GALNT2: variants seen among roughly 807,000 people sequenced by gnomAD.
GALNT2 encodes polypeptide N-acetylgalactosaminyltransferase 2.
Under a neutral mutation model 81.4 loss-of-function variants are expected in GALNT2, and 31 were observed. The observed-to-expected ratio is 0.38, with a 90% CI of 0.29 to 0.51. GALNT2 has a LOEUF of 0.51. Ranked by LOEUF, GALNT2 falls within the 20% of genes least tolerant of loss-of-function variation. GALNT2 has a pLI of 0.87. For missense variants in GALNT2, 629 were observed against 765.7 expected (o/e 0.82, Z 2.11); for synonymous variants, 303 against 287.4 (o/e 1.05, Z -0.55).
chr1:230,266,644 C>T (rs1666044886), intron 14 of GALNT2, among the ~76,000 whole-genome samples: 1 of 152,208 alleles, frequency 6.6e-6, no homozygotes, highest in South Asian at 2.1e-4. Flanking sequence ...TTGCAATGGC[C>T]TGGACATCCT....
At chr1:230,170,297 C>T (rs1326562953) in intron 1 of GALNT2, among the ~76,000 whole-genome samples, 2 of 152,212 alleles carry the variant, frequency 1.3e-5, no homozygotes, top group African/African-American at 2.4e-5. Context: ...ACAAAACATG[C>T]TTCAGAAATA....
At chr1:230,138,962 A>G (rs1317265858) in intron 1 of GALNT2, among the ~76,000 whole-genome samples, 5 of 152,038 alleles carry the variant, frequency 3.3e-5, no homozygotes, top group African/African-American at 1.2e-4. Context: ...TTATCCTGTG[A>G]CTGAGAACGC....
At chr1:230,173,515 CT>C (rs1662863442) in intron 1 of GALNT2, among the ~76,000 whole-genome samples, 1 of 152,194 alleles carries the variant, frequency 6.6e-6, no homozygotes, top group African/African-American at 2.4e-5. Context: ...GGTCTGCATC[CT>C]GGGAAATCAA....
In GALNT2 at chr1:230,198,142, G is replaced by A. The variant is rs1012180458; in HGVS notation, c.221-4995G>A. On this transcript the variant is annotated intron_variant, in intron 2 of 15. Coordinates refer to ENST00000366672, the MANE Select transcript of GALNT2 (RefSeq NM_004481.5). ...GGATTCCTTTTCACGGTCAGCCTCCGGTACCTTCGACCCAGGACGAGACCC... is the reference window on the plus strand; with the variant it reads ...GGATTCCTTTTCACGGTCAGCCTCCAGTACCTTCGACCCAGGACGAGACCC... 3.3e-5 allele frequency among the ~76,000 whole-genome samples: 5 copies of A among 152,286 alleles called. No individual in the cohort carries two copies. In the East Asian group the frequency reaches 5.8e-4, roughly 18 times the overall value.
intron 1 of GALNT2, among the ~76,000 whole-genome samples, chr1:230,148,328 G>T (rs1220560179): frequency 2.0e-5 from 3 of 152,218 alleles, no homozygotes; most frequent in Non-Finnish European, 4.4e-5. Context: ...TAGGGAAAGG[G>T]GGCGTTTTCA....
intron 1 of GALNT2, among the ~76,000 whole-genome samples, chr1:230,095,830 G>T (rs1258315115): frequency 7.2e-5 from 11 of 152,340 alleles, no homozygotes; most frequent in Non-Finnish European, 1.3e-4. Flanking sequence ...CTCTGCTGGA[G>T]AAAGAAACCG....
intron 10 of GALNT2, among the ~76,000 whole-genome samples, chr1:230,251,140 T>A (rs914334933): frequency 6.6e-6 from 1 of 152,232 alleles, no homozygotes; most frequent in Admixed American, 6.5e-5. Context: ...TTGGTAGCCT[T>A]ATATTTACTG....
At chr1:230,218,866 C>T (rs375949766) in intron 3 of GALNT2, among the ~76,000 whole-genome samples, 7 of 152,222 alleles carry the variant, frequency 4.6e-5, no homozygotes, top group African/African-American at 1.2e-4. Flanking sequence ...CGCAGCAGGA[C>T]GTGAGCAGTG....
chr1:230,080,866 A>G (rs1186984213), intron 1 of GALNT2, among the ~76,000 whole-genome samples: 4 of 152,218 alleles, frequency 2.6e-5, no homozygotes, highest in African/African-American at 9.6e-5. Flanking sequence ...GTACATACAT[A>G]GTAAGTGCTT....
Position 230,185,297 on chromosome 1 carries a change from T to TGCGC in GALNT2, c.220+6987_220+6988insCGCG, listed in dbSNP as rs1237218269. Among the ~76,000 whole-genome samples, 278 of 108,668 alleles carry TGCGC rather than the reference T, an allele frequency of 2.6e-3. 2 individuals carry two copies. Among genetic ancestry groups the TGCGC allele is most frequent in the African/African-American group, 8.7e-3 (261 of 30,158 alleles). The allele number at this position is 108,668 out of a possible 152,430, so 71.3% of individuals were successfully genotyped here. A position where few individuals can be genotyped will look rare whatever the true frequency, so the allele number is the denominator to read the frequency against. ...GCGTGTGTGTGTGTGTGTGTGTGTG[T>TGCGC]GTGTGCGCGCGTGTGTGTGTGTGTT... On this transcript the variant is annotated intron_variant, in intron 2 of 15. Coordinates refer to ENST00000366672, the MANE Select transcript of GALNT2 (RefSeq NM_004481.5).
At chr1:230,141,754 A>T (rs79737445) in intron 1 of GALNT2, among the ~76,000 whole-genome samples, 5,095 of 143,830 alleles carry the variant, frequency 0.035, 309 homozygotes, top group African/African-American at 0.12. Flanking sequence ...GGGTATACAG[A>T]TATCTCTTCA....
chr1:230,174,479 A>G (rs1398059356), intron 1 of GALNT2, among the ~76,000 whole-genome samples: 2 of 149,114 alleles, frequency 1.3e-5, no homozygotes, highest in Non-Finnish European at 1.5e-5. Flanking sequence ...AAACTCCTCT[A>G]TATTTCCTAG....
chr1:230,273,019 G>A (rs748970222), intron 14 of GALNT2, among the ~76,000 whole-genome samples: 9 of 152,010 alleles, frequency 5.9e-5, no homozygotes, highest in African/African-American at 1.2e-4. Flanking sequence ...CAGTTCTCCC[G>A]CCTTGGCCCC....
At chr1:230,072,859 C>T (rs145626509) in intron 1 of GALNT2, among the ~76,000 whole-genome samples, 1 of 152,340 alleles carries the variant, frequency 6.6e-6, no homozygotes, top group East Asian at 1.9e-4. Flanking sequence ...TGTGCCTGTG[C>T]CATAGTGAAC....
chr1:230,274,438 G>A lies in GALNT2; in HGVS notation c.1441-7G>A. 1.9e-6 allele frequency: 3 copies of A among 1,612,894 alleles called. No individual in the cohort carries two copies. Among genetic ancestry groups the A allele is most frequent in the Non-Finnish European group, 2.5e-6 (3 of 1,179,470 alleles). On this transcript the variant is annotated splice_region_variant and splice_polypyrimidine_tract_variant and intron_variant, in intron 14 of 15. Transcript: ENST00000366672. Reference sequence around the variant, plus strand: ...GCACGCCTCTGACTTCTGGTTTTGTGTTCCAGGAATGGGCCTTGACGAAGG... The same window carrying A: ...GCACGCCTCTGACTTCTGGTTTTGTATTCCAGGAATGGGCCTTGACGAAGG...
rs1424193071 is a variant in GALNT2 at position 230,274,517 on chromosome 1, G to T, written c.1513G>T (p.Gly505Cys). ...LCLTVVDRAP[G>C]SLIKLQGCRE... ...CCTTACTGTGGTGGACCGGGCACCGGGCTCTCTTATAAAGCTGCAGGGCTG... is the reference window on the plus strand; with the variant it reads ...CCTTACTGTGGTGGACCGGGCACCGTGCTCTCTTATAAAGCTGCAGGGCTG... Residue 505 changes from glycine to cysteine, a missense_variant, in exon 15 of 16, where the codon GGC becomes TGC. Physicochemically the swap from Gly to Cys is radical, Grantham distance 159. Around this residue, in one of 3 missense-constraint regions of GALNT2, gnomAD observed 207 missense variants for 225.5 expected, o/e 0.92. Coordinates refer to ENST00000366672, the MANE Select transcript of GALNT2 (RefSeq NM_004481.5). 2 of 1,614,020 alleles carry T rather than the reference G, an allele frequency of 1.2e-6. No homozygotes were observed. Among genetic ancestry groups the T allele is most frequent in the Non-Finnish European group, 1.7e-6 (2 of 1,179,920 alleles).
chr1:230,141,946 C>T (rs930461989), intron 1 of GALNT2, among the ~76,000 whole-genome samples: 1 of 152,010 alleles, frequency 6.6e-6, no homozygotes, highest in African/African-American at 2.4e-5. Flanking sequence ...ACCACCATGC[C>T]AGGCAAATTT....
chr1:230,253,156 C>T (rs191644158), intron 10 of GALNT2, among the ~76,000 whole-genome samples: 109 of 152,296 alleles, frequency 7.2e-4, no homozygotes, highest in Admixed American at 2.9e-3. Flanking sequence ...CCGACAACTT[C>T]TTAGGTTGTG....
At chr1:230,095,041 C>T (rs564229378) in intron 1 of GALNT2, among the ~76,000 whole-genome samples, 1 of 152,130 alleles carries the variant, frequency 6.6e-6, no homozygotes, top group Non-Finnish European at 1.5e-5. Context: ...CAAACTGGCC[C>T]TTCTGCTCCG....
Sources: gnomAD v4.1 joint callset for allele counts (sites outside exome capture counted in the v4.1 genomes callset) on GRCh38, gnomAD v4.1.1 for gene constraint, gnomAD v4.1.1 regional missense constraint, MANE v1.5 for transcripts, NCBI Gene and HGNC (gene_info 2026-07-23, HGNC 2026-07-21) for gene names.